The following MAST2 variants were observed in gnomAD, a reference collection of about 807,000 sequenced individuals.
MAST2 encodes microtubule associated serine/threonine kinase 2.
In MAST2, 70 loss-of-function variants were observed where a neutral mutation model predicts 147.4. The ratio of observed to expected loss-of-function variants is 0.47; its 90% CI spans 0.39 to 0.58. The LOEUF (loss-of-function observed/expected upper bound fraction) is 0.58, where lower values mean the gene tolerates loss of function less well. Among genes scored for constraint, MAST2 ranks in the 20% least tolerant of loss-of-function variants. The pLI is 0.00. For synonymous variants in MAST2, 869 were observed against 896.8 expected, an observed-to-expected ratio of 0.97 and a Z score of 0.55; for missense variants, 2,080 against 2,302.3, an observed-to-expected ratio of 0.90 and a Z score of 1.98.
In MAST2 at chr1:46,023,930, G is replaced by C. The variant is rs1312558280; in HGVS notation, c.1730G>C (p.Cys577Ser). The change falls in exon 15 of 29, where the codon TGC becomes TCC. Residue 577 changes from cysteine (C) to serine (S), a missense_variant. By Grantham distance (112) the Cys-to-Ser change is moderately radical. This residue lies in a region of MAST2 where 209 missense variants were observed against 309.5 expected (regional missense o/e 0.68). Coordinates refer to ENST00000361297, the MANE Select transcript of MAST2 (RefSeq NM_015112.3). The surrounding 1 kb of genome is among the most constrained non-coding windows in gnomAD (Gnocchi z 4.9). ...AACCCCTTTGTGGTCAGCATGTTCT[G>C]CTCCTTTGATACCAAGCGCCACTTG... is the stretch of plus-strand genomic sequence containing the variant. Reference protein sequence around the residue: ...AENPFVVSMFCSFDTKRHLCM... With the variant: ...AENPFVVSMFSSFDTKRHLCM... 1.2e-6 allele frequency: 2 copies of C among 1,614,220 alleles called. No homozygotes were observed. The highest frequency in any genetic ancestry group is 2.2e-5 in the South Asian group (2 of 91,078).
chr1:45,854,942 A>G (rs112201002), intron 3 of MAST2, among the ~76,000 whole-genome samples: 1 of 152,226 alleles, frequency 6.6e-6, no homozygotes, highest in Non-Finnish European at 1.5e-5. Context: ...AGCACATAGG[A>G]TGAGGCAGGT....
intron 4 of MAST2, among the ~76,000 whole-genome samples, chr1:45,883,597 G>T (rs1646938117): frequency 6.6e-6 from 1 of 152,030 alleles, no homozygotes; most frequent in Non-Finnish European, 1.5e-5. Context: ...CTGTTAGAAG[G>T]ATCACTTAAT....
At chr1:45,864,901 T>C (rs1570430069) in intron 3 of MAST2, among the ~76,000 whole-genome samples, 1 of 152,250 alleles carries the variant, frequency 6.6e-6, no homozygotes, top group South Asian at 2.1e-4. Flanking sequence ...AGATGAGATG[T>C]ATCTATACTT....
intron 5 of MAST2, among the ~76,000 whole-genome samples, chr1:45,966,429 A>G (rs7520047): frequency 7.8e-5 from 9 of 115,990 alleles, no homozygotes; most frequent in African/African-American, 2.9e-4. Flanking sequence ...TTGTAAAAAA[A>G]AAAAAAAAAA....
At chr1:45,890,315 T>G (rs1213708134) in intron 4 of MAST2, among the ~76,000 whole-genome samples, 1 of 152,262 alleles carries the variant, frequency 6.6e-6, no homozygotes, top group East Asian at 1.9e-4. Context: ...AAATACCACA[T>G]GCTTAAATAA....
intron 10 of MAST2, among the ~76,000 whole-genome samples, chr1:46,019,019 C>T (rs901098177): frequency 1.4e-4 from 22 of 152,176 alleles, no homozygotes; most frequent in African/African-American, 5.1e-4. Context: ...TGCCTTCTGT[C>T]GTGCTTCTTT....
intron 4 of MAST2, among the ~76,000 whole-genome samples, chr1:45,908,299 C>G (rs1651109413): frequency 6.6e-6 from 1 of 152,118 alleles, no homozygotes; most frequent in Non-Finnish European, 1.5e-5. Flanking sequence ...CTGCACCCAT[C>G]AACCCATAAT....
In MAST2 at chr1:45,829,607, T is replaced by C. The variant is rs1051823630; in HGVS notation, c.468+26T>C. ...GTAAGTGTTCATAAAGGTGGCATTT[T>C]GCTCTATGAAAAATCCATAATTGTC... On this transcript the variant is annotated intron_variant, in intron 3 of 28. Transcript: ENST00000361297. 4.4e-6 allele frequency: 7 copies of C among 1,594,820 alleles called. No homozygotes were observed. The Admixed American group carries it at 7.0e-5, about 16-fold the overall frequency.
chr1:45,970,266 G>GT (rs990748795), intron 5 of MAST2, among the ~76,000 whole-genome samples: 1 of 152,156 alleles, frequency 6.6e-6, no homozygotes, highest in Non-Finnish European at 1.5e-5. Context: ...TCCCCCTGGA[G>GT]TTTTTAACTC....
chr1:46,030,471 A>G, intron 21 of MAST2, 136 bp from the exon 22 acceptor site: 3 of 1,073,714 alleles, frequency 2.8e-6, no homozygotes, highest in Non-Finnish European at 4.0e-6. Flanking sequence ...TTCCCCAAAT[A>G]TTCAGCAGGG....
At chr1:45,829,332 C>A in intron 2 of MAST2, 107 bp from the exon 3 acceptor site, 1 of 941,870 alleles carries the variant, frequency 1.1e-6, no homozygotes, top group African/African-American at 1.7e-5. Context: ...AACAATTTTA[C>A]TTTGTATCAG....
At chr1:45,989,599 A>AT (rs920367536) in intron 5 of MAST2, among the ~76,000 whole-genome samples, 2 of 151,326 alleles carry the variant, frequency 1.3e-5, no homozygotes, top group South Asian at 2.1e-4. Context: ...CAAGGCTTAA[A>AT]TTTTTTTTTC....
At chr1:46,003,477 C>CT (rs977281031) in intron 7 of MAST2, among the ~76,000 whole-genome samples, 137 of 146,784 alleles carry the variant, frequency 9.3e-4, no homozygotes, top group African/African-American at 1.8e-3. Flanking sequence ...CATTGAGCAA[C>CT]TTTTTTTTTT....
chr1:45,876,459 G>T (rs191076778), intron 3 of MAST2, among the ~76,000 whole-genome samples: 183 of 152,304 alleles, frequency 1.2e-3, no homozygotes, highest in Non-Finnish European at 1.9e-3. Context: ...AAGAGATAAT[G>T]AGTAGATCAG....
chr1:45,890,645 G>A (rs963890371), intron 4 of MAST2, among the ~76,000 whole-genome samples: 1 of 152,116 alleles, frequency 6.6e-6, no homozygotes, highest in Admixed American at 6.5e-5. Flanking sequence ...AGTCAGATTG[G>A]GGGTAAAAGC....
At position 46,023,050 on chromosome 1, in the gene MAST2, A is replaced by C; in HGVS notation, c.1485+79A>C. On this transcript the variant is annotated intron_variant, in intron 13 of 28. Transcript: ENST00000361297. This position sits in a 1 kb window ranked among gnomAD's most constrained non-coding sequence, Gnocchi z 4.9. The stretch of plus-strand genomic sequence containing the variant: ...AGAGCTATGAATTCTCTTTAAGAGA[A>C]TATCTGAGGAAGGGATGGGGGAGTT... 7.1e-7 allele frequency: 1 copy of C among 1,412,756 alleles called. No homozygotes were observed. The highest frequency in any genetic ancestry group is 1.0e-6 in the Non-Finnish European group (1 of 1,002,294). 87.5% of individuals were successfully genotyped at this position (1,412,756 alleles called of 1,614,324 possible). A position where few individuals can be genotyped will look rare whatever the true frequency, so the allele number is the denominator to read the frequency against.
Position 46,032,649 on chromosome 1 carries a change from C to T in MAST2, c.3468C>T (p.Leu1156=), listed in dbSNP as rs1049384431. 51 of 1,614,102 alleles carry T rather than the reference C, an allele frequency of 3.2e-5. No individual in the cohort carries two copies. Among genetic ancestry groups the T allele is most frequent in the Non-Finnish European group, 4.1e-5 (48 of 1,180,044 alleles). ...AGGCAGGGCTTCGTCAAGGTGACCT[C>T]ATCACCCATGTCAATGGGGAACCTG... The part of the protein sequence containing the change: ...ASEAGLRQGD[L]ITHVNGEPVH... The change falls in exon 26 of 29, where the codon CTC becomes CTT. Residue 1156 remains leucine, a synonymous_variant. Transcript: ENST00000361297.
chr1:45,977,800 C>CAA (rs11441101), intron 5 of MAST2, among the ~76,000 whole-genome samples: 42,874 of 132,546 alleles, frequency 0.32, 7,174 homozygotes, highest in African/African-American at 0.4. Context: ...ACTCTTGTCT[C>CAA]AAAAAAAAAA....
At chr1:45,805,717 A>C (rs150406727) in intron 1 of MAST2, among the ~76,000 whole-genome samples, 332 of 152,286 alleles carry the variant, frequency 2.2e-3, no homozygotes, top group South Asian at 7.5e-3. Flanking sequence ...AAAAGTACTC[A>C]TCCTCCTCTC....
Sources: allele counts gnomAD v4.1 joint callset (sites outside exome capture counted in the v4.1 genomes callset), GRCh38; gene constraint gnomAD v4.1.1; regional missense constraint gnomAD v4.1.1; non-coding constraint Gnocchi (gnomAD v3.1); transcripts MANE v1.5; gene names NCBI Gene and HGNC (gene_info 2026-07-23, HGNC 2026-07-21).